ZBBX: variants seen among roughly 807,000 people sequenced by gnomAD.
ZBBX encodes the protein zinc finger B-box domain containing.
ZBBX carries 101 observed loss-of-function variants against 108.5 expected under a neutral mutation model. That is an observed-to-expected ratio of 0.93 (90% confidence interval 0.79 to 1.10). The LOEUF (loss-of-function observed/expected upper bound fraction) is 1.10. Among genes scored for constraint, ZBBX ranks in the 50% least tolerant of loss-of-function variants. The pLI is 0.00. For synonymous variants in ZBBX, 356 were observed against 323.4 expected (o/e 1.10, Z -1.08); for missense variants, 1,009 against 941.4 (o/e 1.07, Z -0.94).
intron 17 of ZBBX, among the ~76,000 whole-genome samples, chr3:167,305,142 T>C (rs1344445873): frequency 2.6e-5 from 4 of 150,958 alleles, no homozygotes; most frequent in Non-Finnish European, 4.4e-5. Flanking sequence ...TACTTTACCT[T>C]TCCTATGAGA....
the ZBBX span, among the ~76,000 whole-genome samples, chr3:167,222,379 TAG>T: frequency 6.6e-6 from 1 of 151,664 alleles, no homozygotes; most frequent in Admixed American, 6.6e-5. Context: ...CTTAAGGAGA[TAG>T]AGAGTAGAAC....
chr3:167,257,282 A>C (rs987852061), intron 20 of ZBBX, among the ~76,000 whole-genome samples: 4 of 152,142 alleles, frequency 2.6e-5, no homozygotes, highest in Non-Finnish European at 5.9e-5. Flanking sequence ...AACTTACTGA[A>C]TATGTTTATC....
chr3:167,327,105 A>G (rs1043702946), intron 11 of ZBBX, among the ~76,000 whole-genome samples: 3 of 151,536 alleles, frequency 2.0e-5, no homozygotes. Flanking sequence ...AGTCATCTGG[A>G]TCATCAATGT....
chr3:167,401,799 G>C (rs1264509392), intron 1 of ZBBX, among the ~76,000 whole-genome samples: 1 of 152,158 alleles, frequency 6.6e-6, no homozygotes, highest in African/African-American at 2.4e-5. Flanking sequence ...GCAGCCCCAT[G>C]GGTCGCAGCC....
At position 167,330,866 on chromosome 3, in the gene ZBBX, AG is replaced by A. The variant is rs1560136144; in HGVS notation, c.688-2751del. Among the ~76,000 whole-genome samples the A allele has an allele frequency of 3.1e-3, 260 of 84,760 alleles. 9 individuals carry two copies. The highest frequency in any genetic ancestry group is 0.016 in the African/African-American group (256 of 16,332). 55.6% of individuals were successfully genotyped at this position (84,760 alleles called of 152,430 possible). A position where few individuals can be genotyped will look rare whatever the true frequency, so the allele number is the denominator to read the frequency against. On this transcript the variant is annotated intron_variant, in intron 10 of 21. Coordinates refer to ENST00000675490, the MANE Select transcript of ZBBX (RefSeq NM_001199201.2). Reference sequence around the variant, plus strand: ...GAAGAGGAGGAGGAGGAGGAGGAGGAGGAGGAGAAGAAGAAGAAGAAGAAGA... The same window carrying A: ...GAAGAGGAGGAGGAGGAGGAGGAGGAGAGGAGAAGAAGAAGAAGAAGAAGA...
chr3:167,238,838 C>T (rs895186423), downstream of ZBBX, among the ~76,000 whole-genome samples: 2 of 152,094 alleles, frequency 1.3e-5, no homozygotes, highest in African/African-American at 4.8e-5. Flanking sequence ...TCAAAATCTA[C>T]AACTACTCAA....
intron 20 of ZBBX, among the ~76,000 whole-genome samples, chr3:167,266,791 C>T (rs374974484): frequency 2.0e-5 from 3 of 152,156 alleles, no homozygotes; most frequent in African/African-American, 7.2e-5. Context: ...TTTGAGGCAT[C>T]GGAAATTCAT....
At chr3:167,210,697 G>T in the ZBBX span, among the ~76,000 whole-genome samples, 1 of 152,120 alleles carries the variant, frequency 6.6e-6, no homozygotes, top group Non-Finnish European at 1.5e-5. Flanking sequence ...CAATACATCT[G>T]GCAGAAGACT....
intron 19 of ZBBX, chr3:167,282,721 T>C (rs750861349): frequency 2.2e-6 from 1 of 447,816 alleles, no homozygotes; most frequent in Non-Finnish European, 3.9e-6. Context: ...TTTCCTAATT[T>C]TCCTACATTC....
intron 19 of ZBBX, among the ~76,000 whole-genome samples, chr3:167,283,515 T>C (rs533542028): frequency 3.9e-5 from 6 of 152,206 alleles, no homozygotes; most frequent in Non-Finnish European, 7.3e-5. Flanking sequence ...AAAACCCTAA[T>C]TTGATGGAAC....
At chr3:167,283,720 A>G (rs1729214882) in intron 19 of ZBBX, among the ~76,000 whole-genome samples, 1 of 152,140 alleles carries the variant, frequency 6.6e-6, no homozygotes, top group South Asian at 2.1e-4. Flanking sequence ...ATCTCGGCTC[A>G]CTGCAACCTT....
intron 1 of ZBBX, among the ~76,000 whole-genome samples, chr3:167,390,703 C>T (rs915682077): frequency 5.9e-5 from 9 of 152,008 alleles, no homozygotes; most frequent in African/African-American, 1.9e-4. Flanking sequence ...AGAGGTCCTT[C>T]ACATCCCCTG....
chr3:167,276,881 C>T (rs914297769), intron 20 of ZBBX, among the ~76,000 whole-genome samples: 1 of 152,108 alleles, frequency 6.6e-6, no homozygotes, highest in Non-Finnish European at 1.5e-5. Flanking sequence ...GCCCATCAGA[C>T]TAACAGCGGA....
chr3:167,194,015 CAT>C, the ZBBX span, among the ~76,000 whole-genome samples: 1 of 151,830 alleles, frequency 6.6e-6, no homozygotes, highest in Non-Finnish European at 1.5e-5. Flanking sequence ...TGGGTACAAA[CAT>C]AAAGTTAGAT....
intron 2 of ZBBX, among the ~76,000 whole-genome samples, chr3:167,376,177 C>T (rs1746926630): frequency 6.6e-6 from 1 of 152,192 alleles, no homozygotes; most frequent in Admixed American, 6.5e-5. Context: ...GAATGGCAAA[C>T]TAAGATTTGG....
chr3:167,351,573 C>T lies in ZBBX; in HGVS notation c.433-1058G>A, dbSNP rs139431343. On this transcript the variant is annotated intron_variant, in intron 8 of 21. Transcript: ENST00000675490. ...TCCTCATTCCTACCATGGACCTCTGCAATCCTAACTATGGAGAGATCTAGG... is the reference window on the plus strand; with the variant it reads ...TCCTCATTCCTACCATGGACCTCTGTAATCCTAACTATGGAGAGATCTAGG... Among the ~76,000 whole-genome samples the T allele has an allele frequency of 3.0e-3, 461 of 152,244 alleles. 4 individuals are homozygous for T. Among genetic ancestry groups the T allele is most frequent in the African/African-American group, 0.01 (423 of 41,540 alleles).
At chr3:167,258,203 T>G (rs948436279) in intron 20 of ZBBX, among the ~76,000 whole-genome samples, 10 of 152,222 alleles carry the variant, frequency 6.6e-5, no homozygotes, top group African/African-American at 2.4e-4. Flanking sequence ...GGTGGGAATG[T>G]AAACTAGTAC....
intron 20 of ZBBX, chr3:167,248,571 A>G (rs944930327): frequency 1.3e-5 from 6 of 454,622 alleles, no homozygotes; most frequent in Non-Finnish European, 2.7e-5. Flanking sequence ...GGCACATTTG[A>G]GACACTCTAA....
intron 9 of ZBBX, among the ~76,000 whole-genome samples, 153 bp from the exon 10 acceptor site, chr3:167,334,138 A>C (rs920897016): frequency 6.6e-6 from 1 of 152,208 alleles, no homozygotes; most frequent in Admixed American, 6.5e-5. Context: ...TGTATCAACA[A>C]GTATAATAGT....
Sources: allele counts gnomAD v4.1 joint callset (sites outside exome capture counted in the v4.1 genomes callset), GRCh38; gene constraint gnomAD v4.1.1; transcripts MANE v1.5; gene names NCBI Gene and HGNC (gene_info 2026-07-23, HGNC 2026-07-21).